Variants in SORL1 observed in about 807,000 individuals in gnomAD.
SORL1 encodes the protein sortilin related receptor 1.
SORL1 carries 127 observed loss-of-function variants against 273.7 expected under a neutral mutation model. The observed-to-expected ratio is 0.46, with a 90% CI of 0.40 to 0.54. The LOEUF is 0.54. Among genes scored for constraint, SORL1 ranks in the 20% least tolerant of loss-of-function variants. The probability of loss-of-function intolerance (pLI) is 0.00; values close to 1 mark genes in which losing one functional copy is unlikely to be tolerated. For synonymous variants in SORL1, 1,031 were observed against 1,067.4 expected, an observed-to-expected ratio of 0.97 and a Z score of 0.66; for missense variants, 2,494 against 2,846.1, an observed-to-expected ratio of 0.88 and a Z score of 2.81.
chr11:121,468,101 G>A (rs1861112708), intron 1 of SORL1, among the ~76,000 whole-genome samples: 1 of 152,134 alleles, frequency 6.6e-6, no homozygotes, highest in African/African-American at 2.4e-5. Flanking sequence ...AGTGGGTGGG[G>A]AAAGTTCGAG....
chr11:121,622,369 A>AG (rs2134950156), intron 45 of SORL1, 101 bp downstream of exon 45: 2 of 633,116 alleles, frequency 3.2e-6, no homozygotes, highest in East Asian at 2.7e-5. Flanking sequence ...AGTGTAAAAA[A>AG]AAAGAAAGAA....
intron 47 of SORL1, among the ~76,000 whole-genome samples, chr11:121,628,583 T>G (rs938800588): frequency 6.6e-6 from 1 of 152,178 alleles, no homozygotes; most frequent in African/African-American, 2.4e-5. Context: ...GGCCCGGGCA[T>G]TGGGGATCCC....
In SORL1 at chr11:121,625,234, C is replaced by A; in HGVS notation, c.6321C>A (p.Ile2107=). ...CAAGATGCCTTTTTGGCAACCAGAT[C>A]TGTGGGGAGCCTGCCATCCTGCTGT... The part of the protein sequence containing the change: ...VQARCLFGNQ[I]CGEPAILLYD... Residue 2107 remains isoleucine (I), a synonymous_variant, in exon 46 of 48, where the codon ATC becomes ATA. Transcript: ENST00000260197. The A allele has an allele frequency of 6.2e-7, 1 of 1,614,074 alleles. No individual in the cohort carries two copies. The highest frequency in any genetic ancestry group is 8.5e-7 in the Non-Finnish European group (1 of 1,179,990).
chr11:121,630,183 T>C lies in SORL1; in HGVS notation c.*620T>C, dbSNP rs1269018847. 1.3e-5 allele frequency: 2 copies of C among 152,970 alleles called. No homozygotes were observed. The highest frequency in any genetic ancestry group is 4.8e-5 in the African/African-American group (2 of 41,460). 9.5% of individuals were successfully genotyped at this position (152,970 alleles called of 1,614,324 possible). A position where few individuals can be genotyped will look rare whatever the true frequency, so the allele number is the denominator to read the frequency against. ...CCATTCCGGAAGCAATCCATTTTTA[T>C]TCACTTGTGTGTCATGTAATGGTCT... On this transcript the variant is annotated 3_prime_UTR_variant, in exon 48 of 48. Transcript: ENST00000260197.
intron 26 of SORL1, 69 bp downstream of exon 26, chr11:121,583,652 A>G (rs1863048425): frequency 4.6e-6 from 7 of 1,512,250 alleles, no homozygotes; most frequent in Non-Finnish European, 6.2e-6. Context: ...GAGAGGCCAC[A>G]GAGAGCCAGG....
chr11:121,551,025 C>T (rs1862500865), intron 16 of SORL1, among the ~76,000 whole-genome samples: 2 of 152,206 alleles, frequency 1.3e-5, no homozygotes, highest in Non-Finnish European at 1.5e-5. Context: ...AGGTGTGTGA[C>T]TTCTTAGGAA....
At chr11:121,577,018 C>A in intron 24 of SORL1, 2 of 1,365,460 alleles carry the variant, frequency 1.5e-6, no homozygotes, top group Non-Finnish European at 2.0e-6. Flanking sequence ...GATGAATGGA[C>A]AAGGATGCTG....
chr11:121,472,643 G>C (rs1266067275), intron 2 of SORL1, among the ~76,000 whole-genome samples: 1 of 152,170 alleles, frequency 6.6e-6, no homozygotes, highest in South Asian at 2.1e-4. Flanking sequence ...TGCTCTCTCT[G>C]TATATTTGGG....
intron 18 of SORL1, 113 bp downstream of exon 18, chr11:121,555,431 A>C: frequency 7.4e-7 from 1 of 1,358,326 alleles, no homozygotes; most frequent in South Asian, 1.3e-5. Context: ...CAGGAAATTT[A>C]CTGCGAGTTT....
At chr11:121,506,895 T>C (rs186666412) in intron 6 of SORL1, among the ~76,000 whole-genome samples, 86 of 152,268 alleles carry the variant, frequency 5.6e-4, no homozygotes, top group African/African-American at 1.8e-3. Context: ...CATTACTGCC[T>C]TTTTTTGTAT....
Position 121,627,710 on chromosome 11 carries a change from A to C in SORL1, c.6520A>C (p.Asn2174His). ...RLQSSFTAFA[N>H]SHYSSRLGSA... ...GCAGAGCAGCTTCACCGCCTTCGCCAACAGCCACTACAGCTCCAGGCTGGG... is the reference window on the plus strand; with the variant it reads ...GCAGAGCAGCTTCACCGCCTTCGCCCACAGCCACTACAGCTCCAGGCTGGG... The change falls in exon 47 of 48, where the codon AAC becomes CAC. Residue 2174 changes from asparagine (N) to histidine (H), a missense_variant. Asn to His is a moderately conservative substitution (Grantham distance 68). Around this residue, in one of 3 missense-constraint regions of SORL1, gnomAD observed 1,609 missense variants for 1,816.4 expected, o/e 0.89. Transcript: ENST00000260197. This position sits in a 1 kb window ranked among gnomAD's most constrained non-coding sequence, Gnocchi z 4.9. 6.2e-7 allele frequency: 1 copy of C among 1,613,810 alleles called. No individual in the cohort carries two copies. The highest frequency in any genetic ancestry group is 8.5e-7 in the Non-Finnish European group (1 of 1,180,012).
intron 12 of SORL1, among the ~76,000 whole-genome samples, chr11:121,540,841 C>T (rs1265403454): frequency 2.0e-5 from 3 of 152,190 alleles, no homozygotes; most frequent in Non-Finnish European, 2.9e-5. Flanking sequence ...ATGTTGGGTT[C>T]GAGGAGCTCT....
chr11:121,483,259 A>T (rs1034144314), intron 3 of SORL1, among the ~76,000 whole-genome samples: 3 of 152,146 alleles, frequency 2.0e-5, no homozygotes, highest in Non-Finnish European at 4.4e-5. Flanking sequence ...GGGGCTTTTT[A>T]AAAAAGGACA....
In SORL1 at chr11:121,555,000, A is replaced by G; in HGVS notation, c.2440-187A>G. On this transcript the variant is annotated intron_variant, in intron 17 of 47. Coordinates refer to ENST00000260197, the MANE Select transcript of SORL1 (RefSeq NM_003105.6). This position sits in a 1 kb window ranked among gnomAD's most constrained non-coding sequence, Gnocchi z 4.6. ...CTTTATTCTGCTTTAAAAAACAAAA[A>G]TGTAGTATATTTTAGAAATGCTTTC... The G allele has an allele frequency of 1.9e-6, 1 of 516,584 alleles. No homozygotes were observed. Among genetic ancestry groups the G allele is most frequent in the Non-Finnish European group, 3.3e-6 (1 of 302,226 alleles). 32.0% of individuals were successfully genotyped at this position (516,584 alleles called of 1,614,324 possible). A position where few individuals can be genotyped will look rare whatever the true frequency, so the allele number is the denominator to read the frequency against.
chr11:121,522,556 C>A, intron 9 of SORL1, 30 bp from the exon 10 acceptor site: 1 of 1,502,752 alleles, frequency 6.7e-7, no homozygotes, highest in Non-Finnish European at 9.3e-7. Context: ...GTATCATGTG[C>A]TGACACTGCC....
At chr11:121,573,061 C>T (rs571940615) in intron 23 of SORL1, among the ~76,000 whole-genome samples, 4 of 152,210 alleles carry the variant, frequency 2.6e-5, no homozygotes, top group Admixed American at 1.3e-4. Context: ...GGGTGTTTCA[C>T]GGGGTGCCAG....
chr11:121,572,016 T>C (rs374846143), intron 23 of SORL1, among the ~76,000 whole-genome samples: 1 of 152,234 alleles, frequency 6.6e-6, no homozygotes, highest in South Asian at 2.1e-4. Context: ...AGGAGTTTAT[T>C]ACATATCTGG....
intron 25 of SORL1, among the ~76,000 whole-genome samples, chr11:121,581,807 T>A (rs1451335716): frequency 6.6e-6 from 1 of 152,222 alleles, no homozygotes; most frequent in Non-Finnish European, 1.5e-5. Flanking sequence ...AAAAATGAAA[T>A]GCAGAGGCTG....
intron 1 of SORL1, among the ~76,000 whole-genome samples, chr11:121,462,535 C>T (rs1861016875): frequency 6.6e-6 from 1 of 152,148 alleles, no homozygotes; most frequent in South Asian, 2.1e-4. Context: ...TGCGTGTTTT[C>T]CCTACTATAT....
Sources: gnomAD v4.1 joint callset for allele counts (sites outside exome capture counted in the v4.1 genomes callset) on GRCh38, gnomAD v4.1.1 for gene constraint, gnomAD v4.1.1 regional missense constraint, Gnocchi (gnomAD v3.1) non-coding constraint, MANE v1.5 for transcripts, NCBI Gene and HGNC (gene_info 2026-07-23, HGNC 2026-07-21) for gene names.